POLR2F: variants seen among roughly 807,000 people sequenced by gnomAD.
POLR2F encodes the protein RNA polymerase II, I and III subunit F.
In POLR2F, 12 loss-of-function variants were observed where a neutral mutation model predicts 22.7. The observed-to-expected ratio is 0.53, with a 90% confidence interval of 0.34 to 0.86. The LOEUF (loss-of-function observed/expected upper bound fraction) is 0.86, where lower values mean the gene tolerates loss of function less well. Ranked by LOEUF, POLR2F falls within the 40% of genes least tolerant of loss-of-function variation. POLR2F has a pLI of 0.02. For missense variants in POLR2F, 126 were observed against 171.5 expected (o/e 0.73, Z 1.48); for synonymous variants, 57 against 66.0 (o/e 0.86, Z 0.66).
intron 1 of POLR2F, among the ~76,000 whole-genome samples, chr22:38,009,468 G>A (rs2084853171): frequency 6.6e-6 from 1 of 152,160 alleles, no homozygotes; most frequent in Non-Finnish European, 1.5e-5. Context: ...TTTCCTGGTT[G>A]GGTTTGGTTT....
chr22:37,986,004 G>A (rs138592496), upstream of POLR2F: 4,636 of 1,215,244 alleles, frequency 3.8e-3, 25 homozygotes, highest in Non-Finnish European at 4.6e-3. This position sits in a 1 kb window ranked among gnomAD's most constrained non-coding sequence, Gnocchi z 4.7. Flanking sequence ...CACCCCCGGC[G>A]CTGCCAACCC....
At position 37,968,054 on chromosome 22, in the gene POLR2F, T is replaced by G; in HGVS notation, c.*339T>G. 1 of 1,016,068 alleles carries G rather than the reference T, an allele frequency of 9.8e-7. No homozygotes were observed. The highest frequency in any genetic ancestry group is 1.2e-6 in the Non-Finnish European group (1 of 849,248). 62.9% of individuals were successfully genotyped at this position (1,016,068 alleles called of 1,614,324 possible). A position where few individuals can be genotyped will look rare whatever the true frequency, so the allele number is the denominator to read the frequency against. ...AGACAAGTCTTTGTGCCCAGGGAGCTGGTTGCCACGGAAACCCCCAATTTC... is the reference window on the plus strand; with the variant it reads ...AGACAAGTCTTTGTGCCCAGGGAGCGGGTTGCCACGGAAACCCCCAATTTC... On this transcript the variant is annotated 3_prime_UTR_variant, in exon 5 of 5. Coordinates refer to ENST00000442738, the MANE Select transcript of POLR2F (RefSeq NM_021974.5).
intron 1 of POLR2F, among the ~76,000 whole-genome samples, chr22:37,999,447 T>C (rs1423051092): frequency 6.6e-6 from 1 of 152,134 alleles, no homozygotes; most frequent in Non-Finnish European, 1.5e-5. Context: ...GCAGGTCTCC[T>C]GACATCCGAA....
At chr22:37,977,747 TG>T in intron 4 of POLR2F, 1 of 1,122,112 alleles carries the variant, frequency 8.9e-7, no homozygotes, top group Non-Finnish European at 1.3e-6. Context: ...GCAGCTCTGC[TG>T]GGGCAACTGC....
At chr22:37,956,706 C>G (rs1209223101) in intron 1 of POLR2F, 67 bp from the exon 2 acceptor site, 1 of 1,249,620 alleles carries the variant, frequency 8.0e-7, no homozygotes, top group South Asian at 1.2e-5. Context: ...TGTGATCCAC[C>G]GTGCCTGGCC....
intron 1 of POLR2F, among the ~76,000 whole-genome samples, chr22:38,021,177 AG>A (rs967762795): frequency 6.6e-6 from 1 of 152,190 alleles, no homozygotes; most frequent in African/African-American, 2.4e-5. Context: ...GGAAGGCACC[AG>A]GAAAGGCTTC....
At chr22:37,965,455 ATTAC>A (rs1931817822) in intron 3 of POLR2F, among the ~76,000 whole-genome samples, 1 of 152,248 alleles carries the variant, frequency 6.6e-6, no homozygotes, top group South Asian at 2.1e-4. Flanking sequence ...GAAAAATTAA[ATTAC>A]TTAAGGACAC....
intron 4 of POLR2F, among the ~76,000 whole-genome samples, chr22:37,976,933 G>T (rs1260210486): frequency 6.6e-6 from 1 of 151,842 alleles, no homozygotes; most frequent in East Asian, 1.9e-4. Flanking sequence ...TTGGGAGGCC[G>T]AGGCGGGCAG....
chr22:37,984,429 T>G (rs942793549), upstream of POLR2F: 2 of 106,810 alleles, frequency 1.9e-5, no homozygotes, highest in Non-Finnish European at 3.7e-5. The surrounding 1 kb of genome is among the most constrained non-coding windows in gnomAD (Gnocchi z 4.4). Flanking sequence ...GGCTGGGAGG[T>G]GACGCTGGTG....
chr22:37,963,521 C>A (rs1931732668), intron 3 of POLR2F, among the ~76,000 whole-genome samples: 1 of 152,162 alleles, frequency 6.6e-6, no homozygotes, highest in South Asian at 2.1e-4. Flanking sequence ...GATCCCCCTG[C>A]TTCAGCCTCC....
chr22:37,985,543 C>T (rs1007266720), upstream of POLR2F, among the ~76,000 whole-genome samples: 6 of 152,098 alleles, frequency 3.9e-5, no homozygotes, highest in African/African-American at 7.2e-5. Flanking sequence ...AGGGCAGCCC[C>T]GCCGGGGTGT....
chr22:38,036,784 C>A (rs1472648219), intron 5 of POLR2F, among the ~76,000 whole-genome samples: 1 of 152,000 alleles, frequency 6.6e-6, no homozygotes, highest in Non-Finnish European at 1.5e-5. Context: ...CAGAGCTGGG[C>A]CCTCCAACCC....
At chr22:37,963,384 G>C (rs751989380) in intron 3 of POLR2F, among the ~76,000 whole-genome samples, 1 of 152,156 alleles carries the variant, frequency 6.6e-6, no homozygotes, top group Admixed American at 6.6e-5. Flanking sequence ...AAAACTTCTA[G>C]GCTTAAGTGA....
Position 38,016,307 on chromosome 22 carries a change from G to T in POLR2F, c.121-9562G>T, listed in dbSNP as rs562514465. Among the ~76,000 whole-genome samples, 1 of 152,314 alleles carries T rather than the reference G, an allele frequency of 6.6e-6. No homozygotes were observed. Among genetic ancestry groups the T allele is most frequent in the South Asian group, 2.1e-4 (1 of 4,824 alleles). ...CCTCCTCCAATGAGGCATTACTCTG[G>T]ACAAAGCCCCGGCCCAAAGGCATTT... On this transcript the variant is annotated intron_variant, in intron 1 of 2. Coordinates refer to the POLR2F transcript ENST00000333418. The surrounding 1 kb of genome is among the most constrained non-coding windows in gnomAD (Gnocchi z 4.4).
At chr22:38,039,334 G>A (rs1284224271) in intron 5 of POLR2F, among the ~76,000 whole-genome samples, 2 of 152,180 alleles carry the variant, frequency 1.3e-5, no homozygotes, top group Non-Finnish European at 1.5e-5. Flanking sequence ...TCTGCCGTCC[G>A]GGGACACAAT....
chr22:38,040,825 G>A, intron 5 of POLR2F: 1 of 562,658 alleles, frequency 1.8e-6, no homozygotes. Flanking sequence ...GTTTGGGCTT[G>A]CTGTCCTGCA....
At chr22:37,967,400 TC>T in intron 4 of POLR2F, 1 of 1,436,192 alleles carries the variant, frequency 7.0e-7, no homozygotes, top group Non-Finnish European at 9.1e-7. Flanking sequence ...ATTTCCCTGT[TC>T]CTGCTGCAGG....
intron 3 of POLR2F, among the ~76,000 whole-genome samples, chr22:37,960,545 C>T (rs1178809737): frequency 2.0e-5 from 3 of 152,232 alleles, no homozygotes; most frequent in South Asian, 2.1e-4. Context: ...CTACAGGCGC[C>T]CGCCACCGTG....
At chr22:38,000,221 T>C (rs1337127029) in intron 1 of POLR2F, among the ~76,000 whole-genome samples, 1 of 152,230 alleles carries the variant, frequency 6.6e-6, no homozygotes, top group African/African-American at 2.4e-5. Context: ...CACGGTAGAC[T>C]CTGGCATGCT....
Sources: gnomAD v4.1 joint callset for allele counts (sites outside exome capture counted in the v4.1 genomes callset) on GRCh38, gnomAD v4.1.1 for gene constraint, Gnocchi (gnomAD v3.1) non-coding constraint, MANE v1.5 for transcripts, NCBI Gene and HGNC (gene_info 2026-07-23, HGNC 2026-07-21) for gene names.